Variants in MDGA2 observed in about 807,000 individuals in gnomAD.
MDGA2 encodes MAM domain-containing glycosylphosphatidylinositol anchor protein 2.
Under a neutral mutation model 117.8 loss-of-function variants are expected in MDGA2, and 40 were observed. That is an observed-to-expected ratio of 0.34 (90% CI 0.26 to 0.44). The LOEUF (loss-of-function observed/expected upper bound fraction) is 0.44, where lower values mean the gene tolerates loss of function less well. Ranked by LOEUF, MDGA2 falls within the 20% of genes least tolerant of loss-of-function variation. The pLI, the probability that MDGA2 is intolerant of heterozygous loss-of-function variation, is 1.00. For synonymous variants in MDGA2, 452 were observed against 439.0 expected (o/e 1.03, Z -0.37); for missense variants, 1,123 against 1,250.6 (o/e 0.90, Z 1.54).
chr14:47,056,172 T>C (rs1889668227), intron 7 of MDGA2, among the ~76,000 whole-genome samples: 1 of 152,122 alleles, frequency 6.6e-6, no homozygotes, highest in South Asian at 2.1e-4. Context: ...TCCTCCTTAA[T>C]TGGAGAAAGG....
At chr14:47,628,912 C>A (rs181064351) in intron 1 of MDGA2, among the ~76,000 whole-genome samples, 2 of 152,194 alleles carry the variant, frequency 1.3e-5, no homozygotes, top group Non-Finnish European at 2.9e-5. Context: ...GCCCCATATC[C>A]CAACTTGAGA....
chr14:47,357,136 T>G (rs756453142), intron 1 of MDGA2, among the ~76,000 whole-genome samples: 1 of 152,184 alleles, frequency 6.6e-6, no homozygotes, highest in African/African-American at 2.4e-5. Context: ...TGCAGTGGAT[T>G]ACTCTGTTGT....
intron 6 of MDGA2, among the ~76,000 whole-genome samples, chr14:47,072,652 G>A (rs1009441794): frequency 2.0e-5 from 3 of 152,058 alleles, no homozygotes; most frequent in Non-Finnish European, 4.4e-5. Context: ...GACACCCCAG[G>A]CCCAATCCTC....
At chr14:47,561,257 G>C (rs1204483164) in intron 1 of MDGA2, among the ~76,000 whole-genome samples, 2 of 148,014 alleles carry the variant, frequency 1.4e-5, no homozygotes, top group Non-Finnish European at 3.0e-5. Context: ...GTTTGTTCTA[G>C]TTTTGTGAAG....
chr14:47,448,430 G>A (rs1211677051), intron 1 of MDGA2, among the ~76,000 whole-genome samples: 2 of 151,992 alleles, frequency 1.3e-5, no homozygotes, highest in East Asian at 1.9e-4. Flanking sequence ...GTGAGATACT[G>A]TGCCCAGCCC....
chr14:47,113,379 C>A (rs1881151499), intron 5 of MDGA2, among the ~76,000 whole-genome samples: 1 of 151,882 alleles, frequency 6.6e-6, no homozygotes, highest in African/African-American at 2.4e-5. Context: ...TCCAAACGAT[C>A]AAAAAGGAGG....
intron 10 of MDGA2, among the ~76,000 whole-genome samples, chr14:46,916,773 T>C (rs1035383615): frequency 7.9e-5 from 12 of 151,986 alleles, no homozygotes; most frequent in East Asian, 1.9e-4. Context: ...CCCTGAAAGA[T>C]ACATCAAAGT....
intron 1 of MDGA2, among the ~76,000 whole-genome samples, chr14:47,536,557 T>A (rs1004744904): frequency 2.6e-5 from 4 of 152,238 alleles, no homozygotes. Context: ...TCAACCATCA[T>A]ACCAGTTTTA....
At chr14:47,002,297 AT>A (rs1397996803) in intron 8 of MDGA2, among the ~76,000 whole-genome samples, 7 of 152,274 alleles carry the variant, frequency 4.6e-5, no homozygotes, top group African/African-American at 1.7e-4. Context: ...TGTTAAAAAT[AT>A]ATAATGGTTT....
At chr14:47,203,356 G>A (rs1885577363) in intron 3 of MDGA2, among the ~76,000 whole-genome samples, 1 of 151,874 alleles carries the variant, frequency 6.6e-6, no homozygotes, top group African/African-American at 2.4e-5. Flanking sequence ...AAAGAGATTT[G>A]TTTTGTGGTC....
intron 5 of MDGA2, among the ~76,000 whole-genome samples, chr14:47,111,672 G>A (rs1881045033): frequency 6.6e-6 from 1 of 152,096 alleles, no homozygotes; most frequent in Non-Finnish European, 1.5e-5. Context: ...CAGAATCTAA[G>A]AGGTAACGAG....
chr14:47,647,858 C>T (rs1897565546), intron 1 of MDGA2, among the ~76,000 whole-genome samples: 1 of 152,012 alleles, frequency 6.6e-6, no homozygotes, highest in Non-Finnish European at 1.5e-5. Flanking sequence ...ATTGTTATAA[C>T]TTATATAGAT....
At chr14:47,019,299 T>C (rs1316294369) in intron 8 of MDGA2, among the ~76,000 whole-genome samples, 1 of 152,148 alleles carries the variant, frequency 6.6e-6, no homozygotes, top group Non-Finnish European at 1.5e-5. Context: ...AAGGAATACG[T>C]AAGTACACAA....
intron 15 of MDGA2, among the ~76,000 whole-genome samples, chr14:46,847,285 A>C (rs1369312973): frequency 3.9e-5 from 6 of 152,054 alleles, no homozygotes; most frequent in Admixed American, 1.3e-4. Context: ...AGATATGATA[A>C]ATATGGAGTT....
intron 5 of MDGA2, among the ~76,000 whole-genome samples, chr14:47,104,670 G>A (rs1350170755): frequency 5.9e-5 from 9 of 152,102 alleles, no homozygotes; most frequent in Admixed American, 2.0e-4. Flanking sequence ...TCACACGGAC[G>A]TGCATGAAAT....
intron 7 of MDGA2, among the ~76,000 whole-genome samples, chr14:47,053,829 T>C (rs1447025334): frequency 1.3e-5 from 2 of 151,800 alleles, no homozygotes; most frequent in Admixed American, 1.3e-4. Flanking sequence ...GTTATTTCGC[T>C]TCTCTCTGCA....
chr14:47,211,632 T>C (rs372929340), intron 3 of MDGA2, among the ~76,000 whole-genome samples: 1 of 152,128 alleles, frequency 6.6e-6, no homozygotes, highest in Non-Finnish European at 1.5e-5. Context: ...CCCTCTTCCC[T>C]AAAGGCAGAC....
chr14:47,566,476 T>C (rs530660099), intron 1 of MDGA2, among the ~76,000 whole-genome samples: 71 of 152,272 alleles, frequency 4.7e-4, no homozygotes, highest in Admixed American at 1.1e-3. Context: ...TCCTAGGAGA[T>C]GAATGTCCCT....
chr14:47,066,875 A>C (rs1890103485), intron 6 of MDGA2, among the ~76,000 whole-genome samples: 1 of 151,740 alleles, frequency 6.6e-6, no homozygotes, highest in East Asian at 1.9e-4. Context: ...GCACTTTGGG[A>C]GGCTGAGACG....
Sources: gnomAD v4.1 joint callset for allele counts (sites outside exome capture counted in the v4.1 genomes callset) on GRCh38, gnomAD v4.1.1 for gene constraint, MANE v1.5 for transcripts, NCBI Gene and HGNC (gene_info 2026-07-23, HGNC 2026-07-21) for gene names.